The following WDR73 variants were observed in gnomAD, a reference collection of about 807,000 sequenced individuals.
The protein encoded by WDR73 is WD repeat domain 73, also known as integrator complex assembly factor WDR73.
In WDR73, 30 loss-of-function variants were observed where a neutral mutation model predicts 38.2. The observed-to-expected ratio is 0.79, with a 90% CI of 0.59 to 1.06. The LOEUF (loss-of-function observed/expected upper bound fraction) is 1.06, where lower values mean the gene tolerates loss of function less well. WDR73 is among the 50% of genes least tolerant of loss of function. The pLI is 0.00. For missense variants in WDR73, 487 were observed against 467.0 expected (o/e 1.04, Z -0.40); for synonymous variants, 197 against 176.0 (o/e 1.12, Z -0.94).
intron 4 of WDR73, 179 bp from the exon 5 acceptor site, chr15:84,648,133 G>A (rs1465460049): frequency 4.5e-5 from 29 of 641,102 alleles, no homozygotes; most frequent in South Asian, 5.4e-5. Flanking sequence ...TCAACTTTAG[G>A]GAGACTGAGC....
rs767079245 is a variant in WDR73 at position 84,643,663 on chromosome 15, TC to T, written c.943del (p.Asp315MetfsTer7). 42 of 1,068,592 alleles carry T rather than the reference TC, an allele frequency of 3.9e-5. No homozygotes were observed. In the South Asian group the frequency reaches 7.3e-4, roughly 19 times the overall value. 66.2% of individuals were successfully genotyped at this position (1,068,592 alleles called of 1,614,324 possible). A position where few individuals can be genotyped will look rare whatever the true frequency, so the allele number is the denominator to read the frequency against. Reference sequence around the variant, plus strand: ...AGGTTCTACTTGGCTCCGTGTTCCATCTTGGCTCCGTGTTCCATCCCAAGAT... The same window carrying T: ...AGGTTCTACTTGGCTCCGTGTTCCATTTGGCTCCGTGTTCCATCCCAAGAT... ...ATSWDGTRSQ[D>X]GTRSQVEPLF... On this transcript the variant is annotated frameshift_variant, in exon 8 of 8. Transcript: ENST00000434634. LOFTEE classifies it high-confidence loss of function.
chr15:84,650,861 G>A (rs995780822), intron 3 of WDR73, among the ~76,000 whole-genome samples: 4 of 152,080 alleles, frequency 2.6e-5, no homozygotes, highest in African/African-American at 7.2e-5. Context: ...AAGTGCGGTG[G>A]TTCACACCTG....
At chr15:84,647,707 AGGT>A in intron 5 of WDR73, 180 bp downstream of exon 5, 2 of 629,728 alleles carry the variant, frequency 3.2e-6, no homozygotes, top group Non-Finnish European at 5.8e-6. Context: ...ATGTTGTACA[AGGT>A]GGTCTTCAAC....
At position 84,640,292 on chromosome 15, in the gene WDR73, G is replaced by C. The variant is rs1055515953; in HGVS notation, c.*3178C>G. On this transcript the variant is annotated 3_prime_UTR_variant, in exon 8 of 8. Coordinates refer to ENST00000434634, the MANE Select transcript of WDR73 (RefSeq NM_032856.5). Reference sequence around the variant, plus strand: ...CTCTGTTATGACTAATTTGGGTCTGGAATGGCCTCATCGGGGGAAAAATTG... The same window carrying C: ...CTCTGTTATGACTAATTTGGGTCTGCAATGGCCTCATCGGGGGAAAAATTG... 6.6e-6 allele frequency: 1 copy of C among 152,186 alleles called. No individual in the cohort carries two copies. Among genetic ancestry groups the C allele is most frequent in the African/African-American group, 2.4e-5 (1 of 41,436 alleles). 9.4% of individuals were successfully genotyped at this position (152,186 alleles called of 1,614,324 possible). A position where few individuals can be genotyped will look rare whatever the true frequency, so the allele number is the denominator to read the frequency against.
chr15:84,645,387 G>A, intron 7 of WDR73, 84 bp downstream of exon 7: 4 of 1,576,012 alleles, frequency 2.5e-6, no homozygotes, highest in East Asian at 4.7e-5. Flanking sequence ...GTTTATCATG[G>A]TGCTGGAGGC....
At position 84,645,789 on chromosome 15, in the gene WDR73, C is replaced by T; in HGVS notation, c.565G>A (p.Asp189Asn). The change falls in exon 7 of 8, where the codon GAC becomes AAC. Residue 189 changes from aspartate (D) to asparagine (N), a missense_variant. By Grantham distance (23) the Asp-to-Asn change is conservative (BLOSUM62 1). Coordinates refer to ENST00000434634, the MANE Select transcript of WDR73 (RefSeq NM_032856.5). ...GAAGCACAGCAGAAGGCAAAGGTGT[C>T]TGCATCTAGGACCTGCAGGCTACTC... ...ELSSLQVLDA[D>N]TFAFCCASGR... is the part of the protein sequence containing the mutation. 1 of 1,613,714 alleles carries T rather than the reference C, an allele frequency of 6.2e-7. No individual in the cohort carries two copies. Among genetic ancestry groups the T allele is most frequent in the Non-Finnish European group, 8.5e-7 (1 of 1,179,776 alleles).
At position 84,639,737 on chromosome 15, in the gene WDR73, A is replaced by C. The variant is rs1231146473; in HGVS notation, c.*3733T>G. The C allele has an allele frequency of 6.6e-6, 1 of 152,224 alleles. No individual in the cohort carries two copies. Among genetic ancestry groups the C allele is most frequent in the Non-Finnish European group, 1.5e-5 (1 of 68,074 alleles). The allele number at this position is 152,224 out of a possible 1,614,324, so 9.4% of individuals were successfully genotyped here. ...GGTGGCAGGAGTGCACTGGGGATAC[A>C]AAGAAACCAAGATTTTTCTGGGAAT... On this transcript the variant is annotated 3_prime_UTR_variant, in exon 8 of 8. Coordinates refer to ENST00000434634, the MANE Select transcript of WDR73 (RefSeq NM_032856.5).
chr15:84,652,432 T>G (rs762817028), intron 3 of WDR73, among the ~76,000 whole-genome samples: 1 of 152,188 alleles, frequency 6.6e-6, no homozygotes, highest in African/African-American at 2.4e-5. Context: ...CTTTAATCAC[T>G]CTACGCATTT....
intron 1 of WDR73, chr15:84,653,959 T>C: frequency 1.7e-6 from 1 of 605,112 alleles, no homozygotes; most frequent in Admixed American, 2.9e-5. Context: ...TCATCTGTGT[T>C]CTGAGCTGAA....
At position 84,642,200 on chromosome 15, in the gene WDR73, C is replaced by G. The variant is rs1318962238; in HGVS notation, c.*1270G>C. 6.6e-6 allele frequency: 1 copy of G among 152,124 alleles called. No individual in the cohort carries two copies. Among genetic ancestry groups the G allele is most frequent in the Non-Finnish European group, 1.5e-5 (1 of 68,086 alleles). 9.4% of individuals were successfully genotyped at this position (152,124 alleles called of 1,614,324 possible). A position where few individuals can be genotyped will look rare whatever the true frequency, so the allele number is the denominator to read the frequency against. On this transcript the variant is annotated 3_prime_UTR_variant, in exon 8 of 8. Coordinates refer to ENST00000434634, the MANE Select transcript of WDR73 (RefSeq NM_032856.5). ...ACCAAAAATACAAAAATTACCTGGG[C>G]ATGGTGGTACGTGCCTGTAATCCCA...
intron 2 of WDR73, 163 bp downstream of exon 2, chr15:84,653,469 C>G: frequency 1.7e-6 from 1 of 580,194 alleles, no homozygotes; most frequent in Admixed American, 2.7e-5. Context: ...TGCTCCCGGT[C>G]AGAGATCTTA....
intron 7 of WDR73, chr15:84,643,960 G>C (rs1896357987): frequency 2.4e-6 from 1 of 417,018 alleles, no homozygotes; most frequent in South Asian, 3.1e-5. Context: ...ATTGGATGAG[G>C]AATCAAGGCA....
intron 7 of WDR73, 195 bp from the exon 8 acceptor site, chr15:84,643,918 T>C (rs1896356536): frequency 3.3e-6 from 2 of 611,042 alleles, no homozygotes; most frequent in South Asian, 2.4e-5. Flanking sequence ...AAAATACTTT[T>C]TATAATTTGT....
intron 3 of WDR73, among the ~76,000 whole-genome samples, chr15:84,649,372 C>G (rs775961636): frequency 6.6e-6 from 1 of 152,086 alleles, no homozygotes; most frequent in African/African-American, 2.4e-5. Flanking sequence ...ACCCCTGACT[C>G]AAGCCTGACT....
chr15:84,653,532 A>C (rs1321998468), intron 2 of WDR73, 100 bp downstream of exon 2: 33 of 787,156 alleles, frequency 4.2e-5, no homozygotes, highest in Middle Eastern at 2.3e-4. Flanking sequence ...AGTGACTCTC[A>C]GGTGCCCAGA....
chr15:84,646,540 ATTTC>A, intron 5 of WDR73, 192 bp from the exon 6 acceptor site: 2 of 835,986 alleles, frequency 2.4e-6, no homozygotes, highest in Non-Finnish European at 3.4e-6. Flanking sequence ...AAACATTTCA[ATTTC>A]TTTATTATTT....
At position 84,644,118 on chromosome 15, in the gene WDR73, T is replaced by C. The variant is rs867657489; in HGVS notation, c.884-395A>G. The stretch of plus-strand genomic sequence containing the variant: ...TCTGGACAAGTATTAGCTCTTTTAA[T>C]CCTCAGAACTGTATGACACAGATAC... On this transcript the variant is annotated intron_variant, in intron 7 of 7. Transcript: ENST00000434634. 6.6e-5 allele frequency: 13 copies of C among 195,494 alleles called. No individual in the cohort carries two copies. In the South Asian group the frequency reaches 1.0e-3, roughly 15 times the overall value. The allele number at this position is 195,494 out of a possible 1,614,324, so 12.1% of individuals were successfully genotyped here.
At chr15:84,651,824 A>G (rs1361026372) in intron 3 of WDR73, among the ~76,000 whole-genome samples, 2 of 152,222 alleles carry the variant, frequency 1.3e-5, no homozygotes, top group Non-Finnish European at 2.9e-5. Context: ...GAGGTCACCA[A>G]GAGTTTCCCA....
intron 1 of WDR73, 99 bp from the exon 2 acceptor site, chr15:84,653,798 G>T: frequency 2.2e-6 from 2 of 929,538 alleles, no homozygotes; most frequent in Non-Finnish European, 3.4e-6. Flanking sequence ...AAACTCTGGA[G>T]TCAGGCAGAC....
Sources: allele counts gnomAD v4.1 joint callset (sites outside exome capture counted in the v4.1 genomes callset), GRCh38; gene constraint gnomAD v4.1.1; transcripts MANE v1.5; gene names NCBI Gene and HGNC (gene_info 2026-07-23, HGNC 2026-07-21).